The following MYO5C variants were observed in gnomAD, a reference collection of about 807,000 sequenced individuals.
MYO5C encodes unconventional myosin-Vc.
Under a neutral mutation model 235.7 loss-of-function variants are expected in MYO5C, and 194 were observed. The ratio of observed to expected loss-of-function variants is 0.82; its 90% CI spans 0.73 to 0.93. The LOEUF (loss-of-function observed/expected upper bound fraction) is 0.93, where lower values mean the gene tolerates loss of function less well. Among genes scored for constraint, MYO5C ranks in the 40% least tolerant of loss-of-function variants. The pLI is 0.00. For missense variants in MYO5C, 2,038 were observed against 2,127.2 expected, an observed-to-expected ratio of 0.96 and a Z score of 0.82; for synonymous variants, 707 against 754.8, an observed-to-expected ratio of 0.94 and a Z score of 1.04.
chr15:52,280,398 C>T (rs1050491353), intron 2 of MYO5C, among the ~76,000 whole-genome samples: 1 of 152,260 alleles, frequency 6.6e-6, no homozygotes, highest in Non-Finnish European at 1.5e-5. Context: ...CCTAAAGCAG[C>T]TGCCTTAGCA....
At position 52,235,702 on chromosome 15, in the gene MYO5C, A is replaced by G; in HGVS notation, c.2930T>C (p.Leu977Pro). 6.2e-7 allele frequency: 1 copy of G among 1,612,522 alleles called. No individual in the cohort carries two copies. The highest frequency in any genetic ancestry group is 8.5e-7 in the Non-Finnish European group (1 of 1,179,194). ...CTCTTCAGTCTTCTCTTGAAGCTTC[A>G]GCTGTATTTGTTCTTTCTGTGTTTC... ...ELETQKEQIQ[L>P]KLQEKTEELK... Residue 977 changes from leucine (L) to proline (P), a missense_variant, in exon 23 of 41, where the codon CTG becomes CCG. By Grantham distance (98) the Leu-to-Pro change is moderately conservative. Transcript: ENST00000261839.
intron 1 of MYO5C, among the ~76,000 whole-genome samples, chr15:52,289,564 C>A (rs2037345236): frequency 6.6e-6 from 1 of 152,188 alleles, no homozygotes; most frequent in African/African-American, 2.4e-5. Context: ...TCCTGTCCGC[C>A]CCTGCCTACC....
chr15:52,231,525 G>C (rs2035950008), intron 24 of MYO5C, among the ~76,000 whole-genome samples: 1 of 152,132 alleles, frequency 6.6e-6, no homozygotes. Flanking sequence ...ATTTTTCTAG[G>C]TAAATGAGTT....
At chr15:52,204,837 C>A (rs759317102) in intron 38 of MYO5C, 28 bp downstream of exon 38, 1 of 1,607,044 alleles carries the variant, frequency 6.2e-7, no homozygotes, top group Non-Finnish European at 8.5e-7. Flanking sequence ...CAGGCCTCTC[C>A]GCGTGAGCGG....
intron 20 of MYO5C, among the ~76,000 whole-genome samples, chr15:52,240,309 C>T (rs2036183867): frequency 6.6e-6 from 1 of 151,922 alleles, no homozygotes; most frequent in Admixed American, 6.6e-5. Context: ...ATGGCTCACA[C>T]CGTAATCCCA....
At position 52,230,753 on chromosome 15, in the gene MYO5C, A is replaced by T. The variant is rs540988692; in HGVS notation, c.3027-1440T>A. On this transcript the variant is annotated intron_variant, in intron 24 of 40. Transcript: ENST00000261839. Reference sequence around the variant, plus strand: ...AACGAACTTTGTTTCCAGGTTTTTTAAAAAAAAACTGCAGTGCTCCCAAGA... The same window carrying T: ...AACGAACTTTGTTTCCAGGTTTTTTTAAAAAAAACTGCAGTGCTCCCAAGA... Among the ~76,000 whole-genome samples the T allele has an allele frequency of 6.5e-4, 68 of 105,326 alleles. No homozygotes were observed. In the South Asian group the frequency reaches 6.9e-3, roughly 11 times the overall value. 69.1% of individuals were successfully genotyped at this position (105,326 alleles called of 152,430 possible). A position where few individuals can be genotyped will look rare whatever the true frequency, so the allele number is the denominator to read the frequency against.
At chr15:52,251,757 T>C (rs1057192981) in intron 12 of MYO5C, among the ~76,000 whole-genome samples, 2 of 152,132 alleles carry the variant, frequency 1.3e-5, no homozygotes, top group East Asian at 3.9e-4. Context: ...CTCTGCCTCC[T>C]GGGTTCAAGC....
intron 1 of MYO5C, among the ~76,000 whole-genome samples, chr15:52,290,436 A>G (rs1031542256): frequency 2.0e-5 from 3 of 152,104 alleles, no homozygotes; most frequent in African/African-American, 4.8e-5. Flanking sequence ...CTCATTTTAG[A>G]CAGGGGCCCT....
In MYO5C at chr15:52,205,034, C is replaced by T. The variant is rs756481871; in HGVS notation, c.4651G>A (p.Val1551Ile). The change falls in exon 38 of 41, where the codon GTC (valine) becomes ATC (isoleucine). Residue 1551 changes from valine (V) to isoleucine (I), a missense_variant. Val to Ile is a conservative substitution (Grantham distance 29, BLOSUM62 3). Coordinates refer to ENST00000261839, the MANE Select transcript of MYO5C (RefSeq NM_018728.4). Reference protein sequence around the residue: ...DDTDGYTMTSVLQQLSYFYTT... With the variant: ...DDTDGYTMTSILQQLSYFYTT... Reference sequence around the variant, plus strand: ...TAAAAGTAGCTCAGCTGTTGCAGGACGGAGGTCATGGTGTAGCCGTCCGTG... The same window carrying T: ...TAAAAGTAGCTCAGCTGTTGCAGGATGGAGGTCATGGTGTAGCCGTCCGTG... The T allele has an allele frequency of 5.0e-6, 8 of 1,614,068 alleles. No individual in the cohort carries two copies. The East Asian group carries it at 1.1e-4, about 22-fold the overall frequency.
rs1214216296 is a variant in MYO5C, at chr15:52,192,767, T to C, written c.*1135A>G. ...CTTTTTGAGAAAATTTAAAAATAAA[T>C]ACATTGAAATGCTGATTAGAGAGCG... On this transcript the variant is annotated 3_prime_UTR_variant, in exon 41 of 41. Transcript: ENST00000261839. The C allele has an allele frequency of 6.6e-6, 1 of 152,140 alleles. No individual in the cohort carries two copies. The highest frequency in any genetic ancestry group is 6.5e-5 in the Admixed American group (1 of 15,278). 9.4% of individuals were successfully genotyped at this position (152,140 alleles called of 1,614,324 possible). A position where few individuals can be genotyped will look rare whatever the true frequency, so the allele number is the denominator to read the frequency against.
chr15:52,249,876 C>G (rs1022379381), intron 13 of MYO5C, among the ~76,000 whole-genome samples: 1 of 152,164 alleles, frequency 6.6e-6, no homozygotes, highest in African/African-American at 2.4e-5. Flanking sequence ...ATTTCCCTGG[C>G]CAATGAGATT....
At chr15:52,293,760 C>G (rs2037443820) in intron 1 of MYO5C, among the ~76,000 whole-genome samples, 1 of 152,194 alleles carries the variant, frequency 6.6e-6, no homozygotes, top group African/African-American at 2.4e-5. Context: ...GTGACCCCGG[C>G]CTCTCTCCTC....
At position 52,272,433 on chromosome 15, in the gene MYO5C, A is replaced by T. The variant is rs560269964; in HGVS notation, c.750+147T>A. 2.8e-5 allele frequency: 21 copies of T among 738,278 alleles called. No homozygotes were observed. The East Asian group carries it at 5.7e-4, about 20-fold the overall frequency. 45.7% of individuals were successfully genotyped at this position (738,278 alleles called of 1,614,324 possible). A position where few individuals can be genotyped will look rare whatever the true frequency, so the allele number is the denominator to read the frequency against. On this transcript the variant is annotated intron_variant, in intron 6 of 40. Transcript: ENST00000261839. ...ATTCATCCATCAATTTTTAATAAACAGAAAAAAGAATCCAAACTGCAAATG... is the reference window on the plus strand; with the variant it reads ...ATTCATCCATCAATTTTTAATAAACTGAAAAAAGAATCCAAACTGCAAATG...
chr15:52,261,667 T>A (rs1381212072), intron 9 of MYO5C, among the ~76,000 whole-genome samples: 1 of 152,112 alleles, frequency 6.6e-6, no homozygotes, highest in Non-Finnish European at 1.5e-5. Flanking sequence ...AGGGCTGGGG[T>A]GGGACTTTTC....
intron 23 of MYO5C, among the ~76,000 whole-genome samples, chr15:52,234,526 G>A (rs1465369107): frequency 2.0e-5 from 3 of 152,168 alleles, no homozygotes; most frequent in African/African-American, 4.8e-5. Context: ...GGAGTGTGCT[G>A]TAATAAAAAG....
chr15:52,256,856 T>A (rs1285869868), intron 10 of MYO5C, 136 bp from the exon 11 acceptor site: 1 of 635,526 alleles, frequency 1.6e-6, no homozygotes, highest in South Asian at 1.9e-5. Flanking sequence ...TCAAAGCTTC[T>A]GGTTTTAATG....
Position 52,295,607 on chromosome 15 carries a change from T to C in MYO5C, c.27+3A>G, listed in dbSNP as rs999694607. 5 of 1,492,964 alleles carry C rather than the reference T, an allele frequency of 3.3e-6. No homozygotes were observed. Among genetic ancestry groups the C allele is most frequent in the Non-Finnish European group, 4.4e-6 (5 of 1,124,274 alleles). 92.5% of individuals were successfully genotyped at this position (1,492,964 alleles called of 1,614,324 possible). A position where few individuals can be genotyped will look rare whatever the true frequency, so the allele number is the denominator to read the frequency against. ...CTCCCAGGAGCCCAGCGGACCCTCC[T>C]ACCTGCGTGTACAGCTCGGCCACCG... On this transcript the variant is annotated splice_donor_region_variant and intron_variant, in intron 1 of 40. Coordinates refer to ENST00000261839, the MANE Select transcript of MYO5C (RefSeq NM_018728.4).
chr15:52,219,478 G>A (rs2035629157), intron 31 of MYO5C, among the ~76,000 whole-genome samples: 1 of 152,174 alleles, frequency 6.6e-6, no homozygotes, highest in African/African-American at 2.4e-5. Flanking sequence ...TGAAAAGTAC[G>A]TGTCCTCCCC....
chr15:52,195,113 C>T (rs2035017142), intron 40 of MYO5C, among the ~76,000 whole-genome samples: 1 of 152,116 alleles, frequency 6.6e-6, no homozygotes, highest in Non-Finnish European at 1.5e-5. Flanking sequence ...CAGTATTCAA[C>T]GATCAGTAAG....
Sources: gnomAD v4.1 joint callset for allele counts (sites outside exome capture counted in the v4.1 genomes callset) on GRCh38, gnomAD v4.1.1 for gene constraint, MANE v1.5 for transcripts, NCBI Gene and HGNC (gene_info 2026-07-23, HGNC 2026-07-21) for gene names.